Variants in NCALD observed in about 807,000 individuals in gnomAD.
The protein encoded by NCALD is neurocalcin-delta.
NCALD carries 10 observed loss-of-function variants against 18.6 expected under a neutral mutation model. The observed-to-expected ratio is 0.54, with a 90% CI of 0.33 to 0.91. NCALD has a LOEUF of 0.91. NCALD is among the 40% of genes least tolerant of loss of function. The pLI, the probability that NCALD is intolerant of heterozygous loss-of-function variation, is 0.03. For synonymous variants in NCALD, 88 were observed against 87.4 expected (o/e 1.01, Z -0.04); for missense variants, 184 against 247.6 (o/e 0.74, Z 1.72).
intron 4 of NCALD, chr8:101,847,304 A>C (rs1390139885): frequency 3.9e-6 from 1 of 253,184 alleles, no homozygotes; most frequent in African/African-American, 2.3e-5. Flanking sequence ...AGAGGGTGGC[A>C]CATCTCACAC....
At chr8:101,883,599 C>T (rs1013984981) in intron 4 of NCALD, among the ~76,000 whole-genome samples, 4 of 152,120 alleles carry the variant, frequency 2.6e-5, no homozygotes, top group Admixed American at 6.5e-5. Flanking sequence ...AGTCTTTGAC[C>T]GTGATTTGGG....
chr8:101,997,639 C>T (rs369431605), intron 2 of NCALD, among the ~76,000 whole-genome samples: 2 of 152,148 alleles, frequency 1.3e-5, no homozygotes, highest in Non-Finnish European at 2.9e-5. Flanking sequence ...CTAAAAACTC[C>T]CTGCTAAAGA....
Position 101,689,535 on chromosome 8 carries a change from A to G in NCALD, c.485-129T>C. The G allele has an allele frequency of 1.5e-6, 1 of 688,398 alleles. No homozygotes were observed. The highest frequency in any genetic ancestry group is 1.8e-5 in the South Asian group (1 of 56,676). The allele number at this position is 688,398 out of a possible 1,614,324, so 42.6% of individuals were successfully genotyped here. Reference sequence around the variant, plus strand: ...CCTCACTGCCACTGTGACACACAGCACTCACCTGTCCCGGGGAAGAGCCCA... The same window carrying G: ...CCTCACTGCCACTGTGACACACAGCGCTCACCTGTCCCGGGGAAGAGCCCA... On this transcript the variant is annotated intron_variant, in intron 3 of 3. Coordinates refer to ENST00000220931, the MANE Select transcript of NCALD (RefSeq NM_032041.3). This position sits in a 1 kb window ranked among gnomAD's most constrained non-coding sequence, Gnocchi z 4.4.
chr8:101,915,932 C>G (rs1048128951), intron 2 of NCALD: 1 of 152,110 alleles, frequency 6.6e-6, no homozygotes, highest in African/African-American at 2.4e-5. Context: ...AGGTCATTAT[C>G]CCACCTATTT....
intron 2 of NCALD, among the ~76,000 whole-genome samples, chr8:101,988,469 A>G (rs1586878545): frequency 6.6e-6 from 1 of 152,322 alleles, no homozygotes; most frequent in East Asian, 1.9e-4. Context: ...TACTTGAAAC[A>G]TTATCTAGTT....
intron 4 of NCALD, among the ~76,000 whole-genome samples, chr8:101,818,766 G>A (rs908457316): frequency 6.6e-6 from 1 of 152,154 alleles, no homozygotes; most frequent in African/African-American, 2.4e-5. Flanking sequence ...AGCACTTTGG[G>A]AGGCCAAGAC....
intron 1 of NCALD, among the ~76,000 whole-genome samples, chr8:102,053,622 C>T (rs1437698313): frequency 2.0e-5 from 3 of 152,272 alleles, no homozygotes; most frequent in South Asian, 4.2e-4. Context: ...AGCTCCAAAG[C>T]TGGCAACGTT....
At chr8:101,981,919 T>C (rs1040845454) in intron 2 of NCALD, among the ~76,000 whole-genome samples, 3 of 152,028 alleles carry the variant, frequency 2.0e-5, no homozygotes, top group Non-Finnish European at 4.4e-5. Context: ...TTCTGGGTGG[T>C]GTTTGGGTCA....
intron 2 of NCALD, among the ~76,000 whole-genome samples, chr8:102,011,607 T>C (rs1045254509): frequency 6.6e-6 from 1 of 152,202 alleles, no homozygotes; most frequent in African/African-American, 2.4e-5. Context: ...TATAAAACTT[T>C]CCTACCTAGT....
chr8:101,828,169 A>G (rs1430843788), intron 4 of NCALD, among the ~76,000 whole-genome samples: 4 of 152,150 alleles, frequency 2.6e-5, no homozygotes, highest in South Asian at 2.1e-4. Flanking sequence ...TCTGTCCTCC[A>G]TAACGCAGCC....
At chr8:101,706,970 C>A (rs1217422568) in intron 2 of NCALD, among the ~76,000 whole-genome samples, 1 of 152,216 alleles carries the variant, frequency 6.6e-6, no homozygotes, top group Non-Finnish European at 1.5e-5. Flanking sequence ...CTAGCCTAAG[C>A]AATTGCATTG....
chr8:101,808,677 C>T (rs762737574), intron 4 of NCALD, among the ~76,000 whole-genome samples: 1 of 152,120 alleles, frequency 6.6e-6, no homozygotes, highest in South Asian at 2.1e-4. Flanking sequence ...AAGACTTTTG[C>T]CCCCTTTTTA....
intron 4 of NCALD, among the ~76,000 whole-genome samples, chr8:101,841,858 T>C (rs925435372): frequency 2.6e-5 from 4 of 152,236 alleles, no homozygotes; most frequent in African/African-American, 7.2e-5. Context: ...TTCCTCACTC[T>C]AGGCTACCCC....
intron 1 of NCALD, among the ~76,000 whole-genome samples, chr8:101,744,440 A>C (rs1810343907): frequency 6.6e-6 from 1 of 152,258 alleles, no homozygotes; most frequent in South Asian, 2.1e-4. Context: ...TATCATAGTC[A>C]AAGAAACAGT....
intron 4 of NCALD, among the ~76,000 whole-genome samples, chr8:101,860,482 G>A (rs939988591): frequency 6.6e-6 from 1 of 152,154 alleles, no homozygotes; most frequent in Non-Finnish European, 1.5e-5. Flanking sequence ...AACCACTAGA[G>A]CACCAGAAAT....
chr8:101,694,870 A>G (rs535622141), intron 2 of NCALD, among the ~76,000 whole-genome samples: 3 of 152,088 alleles, frequency 2.0e-5, no homozygotes, highest in African/African-American at 7.2e-5. Context: ...CAAATGGGAG[A>G]AGAGAGGCCC....
chr8:101,856,390 C>A (rs766008811), intron 4 of NCALD, among the ~76,000 whole-genome samples: 65 of 152,086 alleles, frequency 4.3e-4, no homozygotes, highest in Non-Finnish European at 3.5e-4. Flanking sequence ...CCAGGCTGGC[C>A]TTGAACTCTT....
intron 1 of NCALD, among the ~76,000 whole-genome samples, chr8:102,072,790 T>C (rs1824218644): frequency 6.6e-6 from 1 of 152,140 alleles, no homozygotes; most frequent in Non-Finnish European, 1.5e-5. Flanking sequence ...AAACAAGCAT[T>C]AACCATGGGA....
chr8:102,061,095 C>G (rs1220921779), intron 1 of NCALD, among the ~76,000 whole-genome samples: 2 of 152,194 alleles, frequency 1.3e-5, no homozygotes, highest in African/African-American at 2.4e-5. Context: ...AGTGAAAACT[C>G]AGTGAGATAA....
Sources: gnomAD v4.1 joint callset for allele counts (sites outside exome capture counted in the v4.1 genomes callset) on GRCh38, gnomAD v4.1.1 for gene constraint, Gnocchi (gnomAD v3.1) non-coding constraint, MANE v1.5 for transcripts, NCBI Gene and HGNC (gene_info 2026-07-23, HGNC 2026-07-21) for gene names.